PADI1: variants seen among roughly 807,000 people sequenced by gnomAD.
PADI1 encodes peptidyl arginine deiminase 1, also known as protein-arginine deiminase type-1.
PADI1 carries 65 observed loss-of-function variants against 74.8 expected under a neutral mutation model. The observed-to-expected ratio is 0.87, with a 90% CI of 0.71 to 1.07. PADI1 has a LOEUF of 1.07. Ranked by LOEUF, PADI1 falls within the 50% of genes least tolerant of loss-of-function variation. The pLI is 0.00. For synonymous variants in PADI1, 371 were observed against 336.2 expected (o/e 1.10, Z -1.13); for missense variants, 943 against 854.0 (o/e 1.10, Z -1.30).
Position 17,232,815 on chromosome 1 carries a change from A to C in PADI1, c.1162-4A>C. The stretch of plus-strand genomic sequence containing the variant: ...GGGTGGGGGTCTCGCTGGTTCTTCC[A>C]TAGGGTCCTGACTTTGGATATGTTA... On this transcript the variant is annotated splice_region_variant and splice_polypyrimidine_tract_variant and intron_variant, in intron 10 of 15. Transcript: ENST00000375471. 6.2e-7 allele frequency: 1 copy of C among 1,609,504 alleles called. No individual in the cohort carries two copies. The highest frequency in any genetic ancestry group is 8.5e-7 in the Non-Finnish European group (1 of 1,177,264).
intron 3 of PADI1, among the ~76,000 whole-genome samples, 169 bp downstream of exon 3, chr1:17,223,862 A>T (rs912830472): frequency 6.6e-6 from 1 of 152,198 alleles, no homozygotes; most frequent in Non-Finnish European, 1.5e-5. Context: ...ACAGGGATTG[A>T]GACCCAGCAG....
intron 13 of PADI1, among the ~76,000 whole-genome samples, chr1:17,238,995 C>T (rs1026852410): frequency 1.3e-5 from 2 of 152,228 alleles, no homozygotes; most frequent in African/African-American, 4.8e-5. Context: ...TCCCTGTTCA[C>T]AGAAGTGGAA....
intron 1 of PADI1, among the ~76,000 whole-genome samples, chr1:17,216,345 G>A (rs2071977805): frequency 6.6e-6 from 1 of 152,198 alleles, no homozygotes; most frequent in Non-Finnish European, 1.5e-5. Context: ...GATGTGAGCT[G>A]TGGCAGAGGT....
chr1:17,232,841 C>G lies in PADI1; in HGVS notation c.1184C>G (p.Thr395Ser), dbSNP rs764407934. The G allele has an allele frequency of 6.2e-7, 1 of 1,613,426 alleles. No homozygotes were observed. Among genetic ancestry groups the G allele is most frequent in the Admixed American group, 1.7e-5 (1 of 59,952 alleles). Residue 395 changes from threonine to serine, a missense_variant, in exon 11 of 16, where the codon ACC becomes AGC. Coordinates refer to ENST00000375471, the MANE Select transcript of PADI1 (RefSeq NM_013358.3). ...TAGGGTCCTGACTTTGGATATGTTA[C>G]CCGGGAGATCCCGCTCCCTGGTCCC... ...RILGPDFGYV[T>S]REIPLPGPSS...
At position 17,220,298 on chromosome 1, in the gene PADI1, C is replaced by T. The variant is rs138179033; in HGVS notation, c.93-1992C>T. 1.4e-3 allele frequency among the ~76,000 whole-genome samples: 213 copies of T among 152,154 alleles called. 1 individual carries two copies. The highest frequency in any genetic ancestry group is 4.9e-3 in the African/African-American group (203 of 41,500). ...TTGTTGGAATTAGGACTGTTGTCAC[C>T]GCAGTCAATGGAGACAGTTTTTTGA... On this transcript the variant is annotated intron_variant, in intron 1 of 15. Coordinates refer to ENST00000375471, the MANE Select transcript of PADI1 (RefSeq NM_013358.3).
intron 8 of PADI1, among the ~76,000 whole-genome samples, chr1:17,229,530 C>G (rs764247827): frequency 2.9e-4 from 44 of 152,352 alleles, no homozygotes; most frequent in Non-Finnish European, 5.0e-4. Flanking sequence ...AAGGATCAGC[C>G]TCGATTGGCA....
chr1:17,210,296 A>G (rs770118917), intron 1 of PADI1, among the ~76,000 whole-genome samples: 4 of 152,086 alleles, frequency 2.6e-5, no homozygotes, highest in Admixed American at 6.5e-5. Context: ...AGCTAGGATT[A>G]CAGGCCTGAG....
At chr1:17,219,166 G>A (rs181822251) in intron 1 of PADI1, among the ~76,000 whole-genome samples, 2 of 152,264 alleles carry the variant, frequency 1.3e-5, no homozygotes, top group East Asian at 3.9e-4. Context: ...TATAGCTGGA[G>A]CTCTGCCAGG....
Position 17,229,002 on chromosome 1 carries a change from T to C in PADI1, c.880T>C (p.Trp294Arg). ...TDTVGFRMAPWIMTPNTQPPE... is the reference protein window; with the variant it reads ...TDTVGFRMAPRIMTPNTQPPE... ...CACTGTGGGCTTCCGCATGGCCCCC[T>C]GGATCATGACGCCCAACACTCAGCC... Residue 294 changes from tryptophan (W) to arginine (R), a missense_variant, in exon 8 of 16, where the codon TGG becomes CGG. Coordinates refer to ENST00000375471, the MANE Select transcript of PADI1 (RefSeq NM_013358.3). The C allele has an allele frequency of 1.3e-6, 2 of 1,594,844 alleles. No homozygotes were observed. Among genetic ancestry groups the C allele is most frequent in the Non-Finnish European group, 1.7e-6 (2 of 1,169,926 alleles).
At chr1:17,210,100 A>G (rs2071794977) in intron 1 of PADI1, among the ~76,000 whole-genome samples, 1 of 152,136 alleles carries the variant, frequency 6.6e-6, no homozygotes. Context: ...TCGGCCTCCC[A>G]AAGTGTTGGG....
At chr1:17,210,438 G>A (rs2071804100) in intron 1 of PADI1, among the ~76,000 whole-genome samples, 1 of 152,074 alleles carries the variant, frequency 6.6e-6, no homozygotes. Flanking sequence ...ATCTCTCAGG[G>A]ACATTCTGGT....
At chr1:17,231,785 A>T (rs1052211112) in intron 10 of PADI1, among the ~76,000 whole-genome samples, 13 of 151,548 alleles carry the variant, frequency 8.6e-5, no homozygotes, top group South Asian at 2.1e-4. Flanking sequence ...GTATATATAT[A>T]TTTTTTATTA....
chr1:17,205,525 T>C (rs1281367544), intron 1 of PADI1, among the ~76,000 whole-genome samples: 2 of 152,110 alleles, frequency 1.3e-5, no homozygotes, highest in Non-Finnish European at 2.9e-5. Flanking sequence ...GCTCAGGACA[T>C]TGGCTTCAAT....
At position 17,244,757 on chromosome 1, in the gene PADI1, G is replaced by T; in HGVS notation, c.*514G>T. ...TTTCTTCTCCCAAAGGGGACCCAAG[G>T]CTGTGACACTTACCTCCACCCCCAT... On this transcript the variant is annotated 3_prime_UTR_variant, in exon 16 of 16. Transcript: ENST00000375471. The T allele has an allele frequency of 3.0e-6, 1 of 332,824 alleles. No individual in the cohort carries two copies. The highest frequency in any genetic ancestry group is 5.9e-6 in the Non-Finnish European group (1 of 169,536). 20.6% of individuals were successfully genotyped at this position (332,824 alleles called of 1,614,324 possible). A position where few individuals can be genotyped will look rare whatever the true frequency, so the allele number is the denominator to read the frequency against.
intron 15 of PADI1, among the ~76,000 whole-genome samples, chr1:17,241,938 C>A (rs1442208918): frequency 6.6e-6 from 1 of 151,958 alleles, no homozygotes; most frequent in Admixed American, 6.6e-5. Context: ...AAGTGAATGT[C>A]GGAATCGGCA....
At chr1:17,237,480 C>T (rs1213380810) in intron 12 of PADI1, 22 bp downstream of exon 12, 3 of 1,591,216 alleles carry the variant, frequency 1.9e-6, no homozygotes, top group Admixed American at 3.4e-5. Context: ...CCTTCCCTGC[C>T]TGAGCCACCT....
chr1:17,237,904 C>A (rs537674229), intron 12 of PADI1, among the ~76,000 whole-genome samples: 1 of 152,158 alleles, frequency 6.6e-6, no homozygotes, highest in East Asian at 1.9e-4. Flanking sequence ...CTACAGTAAG[C>A]CTTGCAGAGG....
rs546579506 is a variant in PADI1 at position 17,230,482 on chromosome 1, C to T, written c.1054-90C>T. The T allele has an allele frequency of 1.6e-5, 14 of 900,856 alleles. No homozygotes were observed. In the African/African-American group the frequency reaches 2.3e-4, roughly 15 times the overall value. The allele number at this position is 900,856 out of a possible 1,614,324, so 55.8% of individuals were successfully genotyped here. ...CCAGGTCTTAGGGAAGACCCGCTGC[C>T]CTGCCCTGCCCCAGGCCTGGTGGGG... is the stretch of plus-strand genomic sequence containing the variant. On this transcript the variant is annotated intron_variant, in intron 9 of 15. Coordinates refer to ENST00000375471, the MANE Select transcript of PADI1 (RefSeq NM_013358.3).
intron 1 of PADI1, among the ~76,000 whole-genome samples, chr1:17,213,188 T>TC (rs55893268): frequency 0.8 from 121,075 of 151,968 alleles, 48,467 homozygotes; most frequent in East Asian, 0.96. Context: ...CGTAATCTCC[T>TC]ACCAGGCTGG....
Sources: allele counts gnomAD v4.1 joint callset (sites outside exome capture counted in the v4.1 genomes callset), GRCh38; gene constraint gnomAD v4.1.1; transcripts MANE v1.5; gene names NCBI Gene and HGNC (gene_info 2026-07-23, HGNC 2026-07-21).